The following RPH3AL variants were observed in gnomAD, a reference collection of about 807,000 sequenced individuals.
The protein encoded by RPH3AL is rabphilin 3A like (without C2 domains), also known as rab effector Noc2.
A neutral mutation model predicts 43.1 loss-of-function variants in RPH3AL; 38 were observed. That is an observed-to-expected ratio of 0.88 (90% confidence interval 0.68 to 1.15). The LOEUF is 1.15. Among genes scored for constraint, RPH3AL ranks in the 50% most tolerant of loss-of-function variants. The pLI, the probability that RPH3AL is intolerant of heterozygous loss-of-function variation, is 0.00. For missense variants in RPH3AL, 462 were observed against 423.2 expected (o/e 1.09, Z -0.81); for synonymous variants, 189 against 176.3 (o/e 1.07, Z -0.57).
chr17:339,647 AG>A (rs1388659101), intron 1 of RPH3AL: 2 of 152,292 alleles, frequency 1.3e-5, no homozygotes, highest in African/African-American at 4.8e-5. Context: ...AGCTGGCACC[AG>A]GTGCCCAGTT....
chr17:306,140 T>C (rs1040740223), intron 5 of RPH3AL, among the ~76,000 whole-genome samples: 2 of 150,502 alleles, frequency 1.3e-5, no homozygotes, highest in African/African-American at 2.5e-5. Flanking sequence ...GGATTACAGG[T>C]GTGAGCCACT....
Position 215,791 on chromosome 17 carries a change from C to T in RPH3AL, c.739G>A (p.Glu247Lys), listed in dbSNP as rs1421450885. The change falls in exon 9 of 10, where the codon GAG becomes AAG. Residue 247 changes from glutamate (E) to lysine (K), a missense_variant. Coordinates refer to ENST00000331302, the MANE Select transcript of RPH3AL (RefSeq NM_006987.4). The surrounding 1 kb of genome is among the most constrained non-coding windows in gnomAD (Gnocchi z 4.1). The part of the protein sequence containing the change: ...KPWKESGGSV[E>K]APRMGFTHPP... ...TGGGTGAACCCCATCCTGGGGGCCT[C>T]CACGCTGCCACCTGTGGGAAATCAC... 4 of 1,300,400 alleles carry T rather than the reference C, an allele frequency of 3.1e-6. No individual in the cohort carries two copies. The African/African-American group carries it at 6.2e-5, about 20-fold the overall frequency. The allele number at this position is 1,300,400 out of a possible 1,614,324, so 80.6% of individuals were successfully genotyped here.
At chr17:253,259 C>G (rs78195572) in intron 6 of RPH3AL, among the ~76,000 whole-genome samples, 3,301 of 152,294 alleles carry the variant, frequency 0.022, 52 homozygotes, top group South Asian at 0.09. Context: ...CCCAGCCAGT[C>G]AAGGCCCTGT....
chr17:294,623 G>GA (rs1372952725), intron 5 of RPH3AL, among the ~76,000 whole-genome samples: 2 of 103,782 alleles, frequency 1.9e-5, no homozygotes, highest in Non-Finnish European at 4.1e-5. Context: ...GAGGGACACA[G>GA]ATGCTGCAGA....
At chr17:266,345 C>T (rs1437809575) in intron 6 of RPH3AL, among the ~76,000 whole-genome samples, 1 of 152,042 alleles carries the variant, frequency 6.6e-6, no homozygotes, top group Non-Finnish European at 1.5e-5. Flanking sequence ...AGGGAGAAAG[C>T]CCCCGTCATC....
intron 7 of RPH3AL, among the ~76,000 whole-genome samples, chr17:228,770 C>T (rs899552483): frequency 3.9e-5 from 6 of 152,174 alleles, no homozygotes; most frequent in African/African-American, 1.4e-4. Context: ...GCTCTATCCC[C>T]TCAGAAATCC....
intron 7 of RPH3AL, among the ~76,000 whole-genome samples, chr17:222,961 G>A (rs948327866): frequency 6.6e-6 from 1 of 152,186 alleles, no homozygotes; most frequent in Admixed American, 6.5e-5. Context: ...AGGGCAAGGC[G>A]GGTGGATCAC....
At chr17:314,439 C>A (rs59732087) in intron 5 of RPH3AL, among the ~76,000 whole-genome samples, 1 of 134,848 alleles carries the variant, frequency 7.4e-6, no homozygotes, top group African/African-American at 3.0e-5. Flanking sequence ...TCCCTCTGCC[C>A]CCACCTCCAT....
At position 246,580 on chromosome 17, in the gene RPH3AL, C is replaced by A. The variant is rs778325851; in HGVS notation, c.613+531G>T. On this transcript the variant is annotated intron_variant, in intron 7 of 9. Transcript: ENST00000331302. This position sits in a 1 kb window ranked among gnomAD's most constrained non-coding sequence, Gnocchi z 4.8. ...CGGAGAACGGTCCACAACCAGGCGCCCCCATCGTTGCCAAGTGGGGCGGCC... is the reference window on the plus strand; with the variant it reads ...CGGAGAACGGTCCACAACCAGGCGCACCCATCGTTGCCAAGTGGGGCGGCC... Among the ~76,000 whole-genome samples, 1 of 152,116 alleles carries A rather than the reference C, an allele frequency of 6.6e-6. No individual in the cohort carries two copies. Among genetic ancestry groups the A allele is most frequent in the Non-Finnish European group, 1.5e-5 (1 of 68,024 alleles).
In RPH3AL at chr17:213,756, G is replaced by T; in HGVS notation, c.*96C>A. On this transcript the variant is annotated 3_prime_UTR_variant, in exon 10 of 10. Coordinates refer to ENST00000331302, the MANE Select transcript of RPH3AL (RefSeq NM_006987.4). ...TGGTTTGTTGAGTCATGGCCAACAG[G>T]GTGTCTGGTGAGGGCACAAGGACCG... 3.1e-6 allele frequency: 3 copies of T among 973,136 alleles called. No individual in the cohort carries two copies. The highest frequency in any genetic ancestry group is 3.2e-6 in the Non-Finnish European group (2 of 620,904). The allele number at this position is 973,136 out of a possible 1,614,324, so 60.3% of individuals were successfully genotyped here.
intron 8 of RPH3AL, among the ~76,000 whole-genome samples, chr17:217,155 G>A (rs1597866176): frequency 1.4e-5 from 2 of 146,862 alleles, no homozygotes; most frequent in African/African-American, 2.5e-5. Context: ...ATCTGGGGCA[G>A]TTATTACAGA....
Position 281,873 on chromosome 17 carries a change from G to C in RPH3AL, c.352-19C>G, listed in dbSNP as rs150852536. Reference sequence around the variant, plus strand: ...AGACTTTCTACAAGAGAGAGGACATGGGGTTGTAAAGATTGCAGCCGCTTC... The same window carrying C: ...AGACTTTCTACAAGAGAGAGGACATCGGGTTGTAAAGATTGCAGCCGCTTC... On this transcript the variant is annotated intron_variant, in intron 5 of 9. Coordinates refer to ENST00000331302, the MANE Select transcript of RPH3AL (RefSeq NM_006987.4). 1 of 1,605,818 alleles carries C rather than the reference G, an allele frequency of 6.2e-7. No individual in the cohort carries two copies. The highest frequency in any genetic ancestry group is 2.2e-5 in the East Asian group (1 of 44,852).
rs1397638150 is a variant in RPH3AL at position 327,573 on chromosome 17, G to C, written c.-30C>G. ...CGGAGCACCCGGCTGGGGGTGGGGA[G>C]TCACATCTGAGATGAAGGAGGGAAG... is the stretch of plus-strand genomic sequence containing the variant. On this transcript the variant is annotated 5_prime_UTR_variant, in exon 3 of 10. Coordinates refer to ENST00000331302, the MANE Select transcript of RPH3AL (RefSeq NM_006987.4). 1.2e-6 allele frequency: 2 copies of C among 1,606,542 alleles called. No individual in the cohort carries two copies. The highest frequency in any genetic ancestry group is 3.3e-5 in the Admixed American group (2 of 60,008).
At chr17:309,266 C>G (rs1188731473) in intron 5 of RPH3AL, among the ~76,000 whole-genome samples, 1 of 152,232 alleles carries the variant, frequency 6.6e-6, no homozygotes. Flanking sequence ...GCACTCCAGC[C>G]TGGGCGGCAG....
At chr17:317,215 A>G (rs1285151874) in intron 5 of RPH3AL, among the ~76,000 whole-genome samples, 2 of 138,114 alleles carry the variant, frequency 1.4e-5, no homozygotes, top group Non-Finnish European at 3.1e-5. Flanking sequence ...CTCCACCTCC[A>G]TTGACCTGCA....
chr17:226,312 T>C (rs2041106506), intron 7 of RPH3AL, among the ~76,000 whole-genome samples: 1 of 151,836 alleles, frequency 6.6e-6, no homozygotes, highest in Non-Finnish European at 1.5e-5. Context: ...GACAGACTCA[T>C]CTCATTAGAT....
At chr17:346,574 A>G (rs1463838575) in intron 1 of RPH3AL, among the ~76,000 whole-genome samples, 1 of 134,568 alleles carries the variant, frequency 7.4e-6, no homozygotes, top group African/African-American at 2.6e-5. Flanking sequence ...CCATGATTCA[A>G]TGACCTCCAC....
At chr17:326,227 T>C (rs2044617094) in intron 3 of RPH3AL, among the ~76,000 whole-genome samples, 1 of 152,250 alleles carries the variant, frequency 6.6e-6, no homozygotes, top group African/African-American at 2.4e-5. Context: ...ACCAGTTAAC[T>C]GTGGTGCAGA....
At chr17:294,591 G>C (rs372674564) in intron 5 of RPH3AL, among the ~76,000 whole-genome samples, 5,594 of 133,408 alleles carry the variant, frequency 0.042, 104 homozygotes, top group Non-Finnish European at 0.061. Flanking sequence ...TGGATGGACA[G>C]AGGGAATGCA....
Sources: allele counts gnomAD v4.1 joint callset (sites outside exome capture counted in the v4.1 genomes callset), GRCh38; gene constraint gnomAD v4.1.1; non-coding constraint Gnocchi (gnomAD v3.1); transcripts MANE v1.5; gene names NCBI Gene and HGNC (gene_info 2026-07-23, HGNC 2026-07-21).